Variants in TRPC1 observed in about 807,000 individuals in gnomAD.
The protein encoded by TRPC1 is transient receptor potential cation channel subfamily C member 1.
A neutral mutation model predicts 88.2 loss-of-function variants in TRPC1; 42 were observed. That is an observed-to-expected ratio of 0.48 (90% CI 0.37 to 0.62). TRPC1 has a LOEUF of 0.62. TRPC1 is among the 20% of genes least tolerant of loss of function. TRPC1 has a pLI of 0.00. For synonymous variants in TRPC1, 288 were observed against 331.8 expected (o/e 0.87, Z 1.43); for missense variants, 699 against 957.3 (o/e 0.73, Z 3.56).
intron 9 of TRPC1, among the ~76,000 whole-genome samples, chr3:142,796,031 G>A (rs1936439237): frequency 6.6e-6 from 1 of 152,098 alleles, no homozygotes; most frequent in Non-Finnish European, 1.5e-5. Context: ...CTATGTGCCA[G>A]ATACTGTTCT....
intron 4 of TRPC1, among the ~76,000 whole-genome samples, chr3:142,760,467 T>C (rs1190549882): frequency 9.9e-5 from 15 of 152,218 alleles, no homozygotes; most frequent in Non-Finnish European, 1.5e-5. Flanking sequence ...AGTACCATGC[T>C]GTTTGGGTTA....
At chr3:142,749,011 A>G (rs1157976864) in intron 4 of TRPC1, among the ~76,000 whole-genome samples, 2 of 152,230 alleles carry the variant, frequency 1.3e-5, no homozygotes, top group South Asian at 2.1e-4. Context: ...GGCATGCTGT[A>G]TAAGATACAT....
At chr3:142,739,873 G>T (rs1934280022) in intron 2 of TRPC1, among the ~76,000 whole-genome samples, 1 of 152,176 alleles carries the variant, frequency 6.6e-6, no homozygotes, top group Admixed American at 6.5e-5. Context: ...GGAAAAGGCA[G>T]ATATGAGTCC....
At chr3:142,735,427 G>A (rs1467414123) in intron 1 of TRPC1, among the ~76,000 whole-genome samples, 6 of 151,916 alleles carry the variant, frequency 3.9e-5, no homozygotes, top group South Asian at 2.1e-4. Flanking sequence ...TGCACATCAC[G>A]TAAAATGACT....
At chr3:142,771,000 A>T (rs1935554628) in intron 4 of TRPC1, among the ~76,000 whole-genome samples, 1 of 152,154 alleles carries the variant, frequency 6.6e-6, no homozygotes, top group Admixed American at 6.5e-5. Context: ...GTCACATAGT[A>T]AGGGAAAAAG....
chr3:142,734,514 A>C (rs1378289340), intron 1 of TRPC1, among the ~76,000 whole-genome samples: 1 of 152,228 alleles, frequency 6.6e-6, no homozygotes, highest in Non-Finnish European at 1.5e-5. Flanking sequence ...ACAGATGTTG[A>C]AATGGGAAGG....
At chr3:142,730,080 C>G (rs1258574267) in intron 1 of TRPC1, among the ~76,000 whole-genome samples, 4 of 152,030 alleles carry the variant, frequency 2.6e-5, no homozygotes, top group African/African-American at 9.7e-5. Flanking sequence ...TAAATTTAAG[C>G]AACACAATAA....
intron 5 of TRPC1, among the ~76,000 whole-genome samples, chr3:142,779,209 GGGA>G (rs1419444033): frequency 2.6e-5 from 4 of 152,096 alleles, no homozygotes; most frequent in African/African-American, 9.7e-5. Flanking sequence ...TTATAGACAG[GGGA>G]GGAGATTTAT....
At chr3:142,753,652 C>G (rs962863230) in intron 4 of TRPC1, among the ~76,000 whole-genome samples, 2 of 148,126 alleles carry the variant, frequency 1.4e-5, no homozygotes, top group African/African-American at 2.5e-5. Context: ...GTAGTCCCAG[C>G]TACTCAGGAG....
At chr3:142,781,793 T>C (rs1415163743) in intron 6 of TRPC1, among the ~76,000 whole-genome samples, 1 of 152,166 alleles carries the variant, frequency 6.6e-6, no homozygotes, top group African/African-American at 2.4e-5. Flanking sequence ...ATTTATTAGG[T>C]ATTACTTCTA....
chr3:142,730,415 A>G (rs1436230065), intron 1 of TRPC1, among the ~76,000 whole-genome samples: 1 of 152,160 alleles, frequency 6.6e-6, no homozygotes. Flanking sequence ...AATTATGGTA[A>G]TAATTGTCTT....
rs2108117393 is a variant in TRPC1, at chr3:142,780,745, A to G, written c.765-89A>G. On this transcript the variant is annotated intron_variant, in intron 5 of 12. Coordinates refer to ENST00000476941, the MANE Select transcript of TRPC1 (RefSeq NM_001251845.2). ...TTTGTGTAACACTGTCAGAATTAAA[A>G]TGTTGCTGAGTAAAAACGTTTTTAG... The G allele has an allele frequency of 5.5e-6, 7 of 1,283,462 alleles. No individual in the cohort carries two copies. In the South Asian group the frequency reaches 1.2e-4, roughly 22 times the overall value. The allele number at this position is 1,283,462 out of a possible 1,614,324, so 79.5% of individuals were successfully genotyped here. A position where few individuals can be genotyped will look rare whatever the true frequency, so the allele number is the denominator to read the frequency against.
rs1287645675 is a variant in TRPC1 at position 142,749,308 on chromosome 3, A to T, written c.632+848A>T. On this transcript the variant is annotated intron_variant, in intron 4 of 12. Coordinates refer to ENST00000476941, the MANE Select transcript of TRPC1 (RefSeq NM_001251845.2). ...CATATAATTTTATACAGTACATAATACTTGATAATAATGACTGTTACTGGT... is the reference window on the plus strand; with the variant it reads ...CATATAATTTTATACAGTACATAATTCTTGATAATAATGACTGTTACTGGT... Among the ~76,000 whole-genome samples, 5 of 152,184 alleles carry T rather than the reference A, an allele frequency of 3.3e-5. No homozygotes were observed. In the East Asian group the frequency reaches 9.6e-4, roughly 29 times the overall value.
chr3:142,749,504 T>G (rs1604), intron 4 of TRPC1, among the ~76,000 whole-genome samples: 74,901 of 151,990 alleles, frequency 0.49, 20,277 homozygotes, highest in African/African-American at 0.73. Context: ...AGACCTTCCA[T>G]TGGGACAGGA....
intron 4 of TRPC1, among the ~76,000 whole-genome samples, chr3:142,768,361 C>T (rs2108089761): frequency 6.6e-6 from 1 of 152,210 alleles, no homozygotes; most frequent in South Asian, 2.1e-4. Flanking sequence ...GGTGCATATA[C>T]ATTTATAATT....
intron 2 of TRPC1, among the ~76,000 whole-genome samples, chr3:142,739,256 GAGCCACTGTGCCC>G (rs1303201823): frequency 6.6e-6 from 1 of 152,176 alleles, no homozygotes; most frequent in East Asian, 1.9e-4. Flanking sequence ...TTACAGGTGT[GAGCCACTGTGCCC>G]AGCCTAGATA....
intron 1 of TRPC1, among the ~76,000 whole-genome samples, chr3:142,727,688 A>G (rs1377196575): frequency 6.6e-6 from 1 of 152,206 alleles, no homozygotes; most frequent in East Asian, 1.9e-4. Flanking sequence ...GGACCCCCAG[A>G]TAAAATTCTC....
At chr3:142,789,308 C>T (rs1936225408) in intron 7 of TRPC1, among the ~76,000 whole-genome samples, 1 of 152,060 alleles carries the variant, frequency 6.6e-6, no homozygotes, top group Admixed American at 6.6e-5. Context: ...CTACTCCTTC[C>T]CCAAATAAAA....
chr3:142,776,988 T>G lies in TRPC1; in HGVS notation c.633-644T>G, dbSNP rs1215713946. 6.6e-6 allele frequency among the ~76,000 whole-genome samples: 1 copy of G among 151,694 alleles called. No individual in the cohort carries two copies. The highest frequency in any genetic ancestry group is 2.4e-5 in the African/African-American group (1 of 41,322). ...ATCAAATCCACATCATATTAAAAAT[T>G]TATGTTATTAGCATATTTTATTTAA... On this transcript the variant is annotated intron_variant, in intron 4 of 12. Coordinates refer to ENST00000476941, the MANE Select transcript of TRPC1 (RefSeq NM_001251845.2). This position sits in a 1 kb window ranked among gnomAD's most constrained non-coding sequence, Gnocchi z 4.1.
Sources: gnomAD v4.1 joint callset for allele counts (sites outside exome capture counted in the v4.1 genomes callset) on GRCh38, gnomAD v4.1.1 for gene constraint, Gnocchi (gnomAD v3.1) non-coding constraint, MANE v1.5 for transcripts, NCBI Gene and HGNC (gene_info 2026-07-23, HGNC 2026-07-21) for gene names.